Variants in C6orf52 observed in about 807,000 individuals in gnomAD.
C6orf52 encodes the protein chromosome 6 open reading frame 52, also known as putative uncharacterized protein C6orf52.
In C6orf52, 16 loss-of-function variants were observed where a neutral mutation model predicts 16.6. That is an observed-to-expected ratio of 0.96 (90% confidence interval 0.65 to 1.46). The LOEUF is 1.46. Ranked by LOEUF, C6orf52 falls within the 40% of genes most tolerant of loss-of-function variation. The pLI, the probability that C6orf52 is intolerant of heterozygous loss-of-function variation, is 0.00. For synonymous variants in C6orf52, 53 were observed against 61.4 expected, an observed-to-expected ratio of 0.86 and a Z score of 0.64; for missense variants, 166 against 182.3, an observed-to-expected ratio of 0.91 and a Z score of 0.52.
rs562976714 is a variant in C6orf52 at position 10,693,955 on chromosome 6, C to T, written c.-12+539G>A. Among the ~76,000 whole-genome samples the T allele has an allele frequency of 8.6e-4, 131 of 152,202 alleles. 1 individual carries two copies. The highest frequency in any genetic ancestry group is 2.9e-3 in the African/African-American group (119 of 41,538). On this transcript the variant is annotated intron_variant, in intron 1 of 4. Coordinates refer to ENST00000259983, the MANE Select transcript of C6orf52 (RefSeq NM_001145020.3). ...TGTTGCTCAGGCTCACTTTGTTTTC[C>T]CAACTCTCAAATGAAGGCTCTGGCC...
Position 10,671,452 on chromosome 6 carries a change from T to G in C6orf52, c.*4A>C, listed in dbSNP as rs760697081. 1.3e-6 allele frequency: 2 copies of G among 1,530,032 alleles called. No individual in the cohort carries two copies. The highest frequency in any genetic ancestry group is 1.7e-4 in the Middle Eastern group (1 of 5,902). 94.8% of individuals were successfully genotyped at this position (1,530,032 alleles called of 1,614,324 possible). A position where few individuals can be genotyped will look rare whatever the true frequency, so the allele number is the denominator to read the frequency against. On this transcript the variant is annotated 3_prime_UTR_variant, in exon 5 of 5. Coordinates refer to ENST00000259983, the MANE Select transcript of C6orf52 (RefSeq NM_001145020.3). Reference sequence around the variant, plus strand: ...TAATTGCGGAGTTTAATGAACACCTTGCTTCACTTCGGGGTCTCATCTGGG... The same window carrying G: ...TAATTGCGGAGTTTAATGAACACCTGGCTTCACTTCGGGGTCTCATCTGGG...
chr6:10,682,676 A>AT (rs1167082064), intron 4 of C6orf52, among the ~76,000 whole-genome samples: 1 of 152,088 alleles, frequency 6.6e-6, no homozygotes, highest in Non-Finnish European at 1.5e-5. Flanking sequence ...GAAGCAAAAC[A>AT]TTTTTTCCCC....
At chr6:10,684,851 TC>T in intron 3 of C6orf52, 1 of 1,289,186 alleles carries the variant, frequency 7.8e-7, no homozygotes, top group Admixed American at 2.3e-5. Flanking sequence ...AGGCTTACCA[TC>T]TTTAATTTCA....
intron 4 of C6orf52, among the ~76,000 whole-genome samples, chr6:10,674,269 C>T (rs1368989430): frequency 6.6e-6 from 1 of 152,106 alleles, no homozygotes; most frequent in Non-Finnish European, 1.5e-5. Flanking sequence ...AAAACTATCA[C>T]ATTGGGAGTG....
intron 3 of C6orf52, among the ~76,000 whole-genome samples, chr6:10,684,627 G>A (rs1376343706): frequency 2.0e-5 from 3 of 152,208 alleles, no homozygotes; most frequent in Non-Finnish European, 4.4e-5. Context: ...ACAAAGACCC[G>A]AGAATCATTT....
At chr6:10,686,179 A>G (rs1168348962) in intron 3 of C6orf52, among the ~76,000 whole-genome samples, 1 of 152,148 alleles carries the variant, frequency 6.6e-6, no homozygotes, top group African/African-American at 2.4e-5. Context: ...TACATGTGTG[A>G]GCCATCTTGC....
intron 4 of C6orf52, among the ~76,000 whole-genome samples, chr6:10,681,607 A>C (rs1768406330): frequency 6.6e-6 from 1 of 152,180 alleles, no homozygotes; most frequent in African/African-American, 2.4e-5. Flanking sequence ...TAACCACCTA[A>C]AAGTACTGTA....
chr6:10,683,886 G>C (rs1222959311), intron 3 of C6orf52, among the ~76,000 whole-genome samples: 1 of 152,178 alleles, frequency 6.6e-6, no homozygotes, highest in Non-Finnish European at 1.5e-5. Context: ...ATGTAGACCT[G>C]TTGGGAACCT....
intron 1 of C6orf52, among the ~76,000 whole-genome samples, chr6:10,691,276 G>A (rs1769274599): frequency 6.6e-6 from 1 of 152,142 alleles, no homozygotes; most frequent in South Asian, 2.1e-4. Flanking sequence ...TATTCGGCCG[G>A]GATCTTCGGC....
chr6:10,691,489 C>G (rs1232942144), intron 1 of C6orf52, among the ~76,000 whole-genome samples: 1 of 152,142 alleles, frequency 6.6e-6, no homozygotes, highest in Non-Finnish European at 1.5e-5. Flanking sequence ...TATACAATGT[C>G]TCTAATCTAC....
At chr6:10,683,570 T>C (rs1768593613) in intron 3 of C6orf52, among the ~76,000 whole-genome samples, 1 of 152,218 alleles carries the variant, frequency 6.6e-6, no homozygotes, top group Admixed American at 6.5e-5. Context: ...TCCAGGCTCC[T>C]TATTTCTTGT....
Position 10,687,502 on chromosome 6 carries a change from T to C in C6orf52, c.49A>G (p.Asn17Asp), listed in dbSNP as rs1035166496. ...SADFGIAQQN[N>D]YYCYWQSLPS... The stretch of plus-strand genomic sequence containing the variant: ...CACCTTTGCCAGTAGCAGTAATAGT[T>C]ATTTTGTTGAGCTATGCCAAAATCT... Residue 17 changes from asparagine (N) to aspartate (D), a missense_variant, in exon 2 of 5, where the codon AAC (asparagine) becomes GAC (aspartate). Transcript: ENST00000259983. The C allele has an allele frequency of 6.4e-7, 1 of 1,550,756 alleles. No homozygotes were observed. The highest frequency in any genetic ancestry group is 1.4e-5 in the African/African-American group (1 of 72,892).
At chr6:10,678,468 A>C (rs998092066) in intron 4 of C6orf52, among the ~76,000 whole-genome samples, 2 of 152,184 alleles carry the variant, frequency 1.3e-5, no homozygotes, top group East Asian at 1.9e-4. Flanking sequence ...TTGTGTAGTA[A>C]AGTTACAGGA....
At chr6:10,690,823 T>A (rs1023890594) in intron 1 of C6orf52, among the ~76,000 whole-genome samples, 1 of 152,226 alleles carries the variant, frequency 6.6e-6, no homozygotes, top group Non-Finnish European at 1.5e-5. Context: ...AGAATGAGAT[T>A]AAATGGCTTT....
At chr6:10,693,507 GAGA>G (rs974685651) in intron 1 of C6orf52, among the ~76,000 whole-genome samples, 5 of 152,176 alleles carry the variant, frequency 3.3e-5, no homozygotes, top group Admixed American at 2.0e-4. Flanking sequence ...CAGAACACCA[GAGA>G]AGAAAAGTTA....
chr6:10,686,952 C>A lies in C6orf52; in HGVS notation c.270+14G>T. 1.3e-6 allele frequency: 2 copies of A among 1,519,436 alleles called. No homozygotes were observed. Among genetic ancestry groups the A allele is most frequent in the Non-Finnish European group, 1.8e-6 (2 of 1,128,132 alleles). The allele number at this position is 1,519,436 out of a possible 1,614,324, so 94.1% of individuals were successfully genotyped here. Reference sequence around the variant, plus strand: ...GCACACGAATGACACAAGATTCATTCTAGCAAGGGATACCTTAGGCATAAC... The same window carrying A: ...GCACACGAATGACACAAGATTCATTATAGCAAGGGATACCTTAGGCATAAC... On this transcript the variant is annotated intron_variant, in intron 3 of 4. Transcript: ENST00000259983.
At chr6:10,688,110 C>T (rs910853445) in intron 1 of C6orf52, among the ~76,000 whole-genome samples, 4 of 149,098 alleles carry the variant, frequency 2.7e-5, no homozygotes, top group African/African-American at 1.0e-4. Flanking sequence ...AACGCGCTCC[C>T]TCGCCCCCTT....
rs57435593 is a variant in C6orf52 at position 10,694,260 on chromosome 6, C to CAA, written c.-12+232_-12+233dup. Among the ~76,000 whole-genome samples the CAA allele has an allele frequency of 3.8e-3, 240 of 62,458 alleles. 5 individuals are homozygous for CAA. The highest frequency in any genetic ancestry group is 0.012 in the African/African-American group (208 of 18,076). 41.0% of individuals were successfully genotyped at this position (62,458 alleles called of 152,430 possible). On this transcript the variant is annotated intron_variant, in intron 1 of 4. Coordinates refer to ENST00000259983, the MANE Select transcript of C6orf52 (RefSeq NM_001145020.3). ...GGGCAAAAAGAGCGAAACTCCGTCTCAAAAAAAAAAAAAAAAAAATGAAGG... is the reference window on the plus strand; with the variant it reads ...GGGCAAAAAGAGCGAAACTCCGTCTCAAAAAAAAAAAAAAAAAAAAATGAAGG...
chr6:10,684,334 G>C (rs935983598), intron 3 of C6orf52, among the ~76,000 whole-genome samples: 7 of 152,094 alleles, frequency 4.6e-5, no homozygotes, highest in Non-Finnish European at 7.4e-5. Context: ...AAAAAGAAAA[G>C]AAAGAAATGG....
Sources: gnomAD v4.1 joint callset for allele counts (sites outside exome capture counted in the v4.1 genomes callset) on GRCh38, gnomAD v4.1.1 for gene constraint, MANE v1.5 for transcripts, NCBI Gene and HGNC (gene_info 2026-07-23, HGNC 2026-07-21) for gene names.